Variants in CSMD1 observed in about 807,000 individuals in gnomAD.
The protein encoded by CSMD1 is CUB and sushi domain-containing protein 1.
A neutral mutation model predicts 417.5 loss-of-function variants in CSMD1; 213 were observed. That is an observed-to-expected ratio of 0.51 (90% CI 0.46 to 0.57). CSMD1 has a LOEUF of 0.57. Ranked by LOEUF, CSMD1 falls within the 20% of genes least tolerant of loss-of-function variation. CSMD1 has a pLI of 0.00. For missense variants in CSMD1, 6,923 were observed against 4,529.7 expected (o/e 1.53, Z -15.17); for synonymous variants, 2,862 against 1,736.8 (o/e 1.65, Z -16.11).
At chr8:3,832,796 A>G (rs1157984758) in intron 5 of CSMD1, among the ~76,000 whole-genome samples, 9 of 152,176 alleles carry the variant, frequency 5.9e-5, no homozygotes, top group East Asian at 5.8e-4. Context: ...GATTAGAAAT[A>G]CCTTCGCCTT....
chr8:4,269,169 G>C (rs979362450), intron 3 of CSMD1, among the ~76,000 whole-genome samples: 1 of 152,084 alleles, frequency 6.6e-6, no homozygotes, highest in East Asian at 1.9e-4. Flanking sequence ...CCATGGTCCT[G>C]CCTCAGCCCT....
intron 8 of CSMD1, among the ~76,000 whole-genome samples, chr8:3,603,856 T>C (rs967573423): frequency 1.3e-5 from 2 of 152,224 alleles, no homozygotes; most frequent in African/African-American, 4.8e-5. Flanking sequence ...CTTTTTCTTC[T>C]AGTTGTACAT....
At chr8:3,383,554 A>T (rs11783770) in intron 18 of CSMD1, among the ~76,000 whole-genome samples, 72,797 of 151,936 alleles carry the variant, frequency 0.48, 17,650 homozygotes, top group Middle Eastern at 0.5. Flanking sequence ...CTCATGCACG[A>T]ATGAAAACAG....
At chr8:4,823,456 G>A (rs1249434872) in intron 1 of CSMD1, among the ~76,000 whole-genome samples, 1 of 151,798 alleles carries the variant, frequency 6.6e-6, no homozygotes, top group Non-Finnish European at 1.5e-5. Flanking sequence ...CTGGTAAAAT[G>A]GGGTACTTAG....
intron 5 of CSMD1, among the ~76,000 whole-genome samples, chr8:3,829,897 G>A (rs1018092794): frequency 3.9e-5 from 6 of 152,000 alleles, no homozygotes; most frequent in Non-Finnish European, 8.8e-5. Flanking sequence ...TATCTACATA[G>A]ATCTATTGGG....
chr8:4,482,565 C>T (rs1347774920), intron 2 of CSMD1, among the ~76,000 whole-genome samples: 16 of 152,164 alleles, frequency 1.1e-4, no homozygotes, highest in Admixed American at 9.8e-4. Context: ...CACATGTGCA[C>T]GTGTCTTTGT....
At chr8:3,301,418 G>C (rs1804399425) in intron 25 of CSMD1, among the ~76,000 whole-genome samples, 1 of 152,108 alleles carries the variant, frequency 6.6e-6, no homozygotes, top group Admixed American at 6.6e-5. Context: ...TTGACATGTG[G>C]ATATGATATT....
At chr8:4,335,939 G>A (rs1051398934) in intron 3 of CSMD1, among the ~76,000 whole-genome samples, 3 of 152,122 alleles carry the variant, frequency 2.0e-5, no homozygotes, top group South Asian at 4.1e-4. Flanking sequence ...CCATATTGGA[G>A]GATAAGCACA....
At chr8:4,475,794 G>A (rs548279314) in intron 2 of CSMD1, among the ~76,000 whole-genome samples, 70 of 151,892 alleles carry the variant, frequency 4.6e-4, no homozygotes, top group Non-Finnish European at 8.1e-4. Flanking sequence ...TGTATTTTTA[G>A]TACAGATGGG....
At position 3,888,143 on chromosome 8, in the gene CSMD1, C is replaced by T. The variant is rs1305630318; in HGVS notation, c.818+109760G>A. ...GTGGGATAACATGGATAACTAACAT[C>T]ATTTGTATGCAATGTTCGTCATCCC... On this transcript the variant is annotated intron_variant, in intron 5 of 69. Transcript: ENST00000635120. 2.6e-5 allele frequency among the ~76,000 whole-genome samples: 4 copies of T among 152,272 alleles called. No individual in the cohort carries two copies. In the South Asian group the frequency reaches 6.2e-4, roughly 24 times the overall value.
At chr8:4,039,793 G>C (rs1418038860) in intron 3 of CSMD1, among the ~76,000 whole-genome samples, 1 of 152,186 alleles carries the variant, frequency 6.6e-6, no homozygotes, top group Non-Finnish European at 1.5e-5. Context: ...AAAAGTATAT[G>C]GCACAGGGAG....
At chr8:4,163,253 A>T (rs557456936) in intron 3 of CSMD1, among the ~76,000 whole-genome samples, 2 of 152,260 alleles carry the variant, frequency 1.3e-5, no homozygotes, top group South Asian at 4.2e-4. Context: ...AATAACAAGG[A>T]GTGTGCTTCC....
chr8:4,834,032 G>A (rs1225710211), intron 1 of CSMD1, among the ~76,000 whole-genome samples: 1 of 152,132 alleles, frequency 6.6e-6, no homozygotes, highest in Non-Finnish European at 1.5e-5. Context: ...AATATCGTAC[G>A]TGGCCAGTAG....
chr8:3,947,901 T>C (rs905691171), intron 5 of CSMD1, among the ~76,000 whole-genome samples: 3 of 152,080 alleles, frequency 2.0e-5, no homozygotes, highest in Non-Finnish European at 2.9e-5. Context: ...TAGTTAAAAG[T>C]CCTGTTAAAA....
At chr8:4,494,250 G>A (rs762972762) in intron 2 of CSMD1, among the ~76,000 whole-genome samples, 8 of 152,108 alleles carry the variant, frequency 5.3e-5, no homozygotes, top group African/African-American at 9.7e-5. Flanking sequence ...CTGAACAAAC[G>A]TAAAGGAAGA....
intron 11 of CSMD1, among the ~76,000 whole-genome samples, chr8:3,469,689 T>C (rs1288305887): frequency 6.6e-6 from 1 of 152,248 alleles, no homozygotes; most frequent in African/African-American, 2.4e-5. Flanking sequence ...AATATGAGCA[T>C]ATGATTTGCC....
At chr8:4,907,935 T>A (rs1805409286) in intron 1 of CSMD1, among the ~76,000 whole-genome samples, 1 of 152,178 alleles carries the variant, frequency 6.6e-6, no homozygotes, top group East Asian at 1.9e-4. Context: ...TAAAATCATT[T>A]GATAGAAAAT....
chr8:3,120,316 T>C (rs1585401507), intron 41 of CSMD1, among the ~76,000 whole-genome samples: 2 of 152,096 alleles, frequency 1.3e-5, no homozygotes, highest in African/African-American at 2.4e-5. Context: ...ATTAAAGCAA[T>C]TGGACATCAA....
intron 12 of CSMD1, among the ~76,000 whole-genome samples, chr8:3,434,119 T>C (rs1392262036): frequency 1.3e-5 from 2 of 152,222 alleles, no homozygotes; most frequent in Non-Finnish European, 2.9e-5. Context: ...CTTAGAATTA[T>C]ATAAGAATAC....
Sources: gnomAD v4.1 joint callset for allele counts (sites outside exome capture counted in the v4.1 genomes callset) on GRCh38, gnomAD v4.1.1 for gene constraint, MANE v1.5 for transcripts, NCBI Gene and HGNC (gene_info 2026-07-23, HGNC 2026-07-21) for gene names.